The following FNBP4 variants were observed in gnomAD, a reference collection of about 807,000 sequenced individuals.
FNBP4 encodes formin-binding protein 4.
A neutral mutation model predicts 119.3 loss-of-function variants in FNBP4; 34 were observed. The observed-to-expected ratio is 0.28, with a 90% CI of 0.22 to 0.38. FNBP4 has a LOEUF of 0.38. Ranked by LOEUF, FNBP4 falls within the 10% of genes least tolerant of loss-of-function variation. FNBP4 has a pLI of 1.00. For synonymous variants in FNBP4, 462 were observed against 430.6 expected (o/e 1.07, Z -0.90); for missense variants, 1,112 against 1,228.9 (o/e 0.90, Z 1.42).
At chr11:47,734,357 A>C (rs532467533) in intron 9 of FNBP4, among the ~76,000 whole-genome samples, 1 of 152,318 alleles carries the variant, frequency 6.6e-6, no homozygotes, top group East Asian at 1.9e-4. Flanking sequence ...ATATCTACAT[A>C]ATCACAATGC....
At position 47,736,664 on chromosome 11, in the gene FNBP4, T is replaced by C; in HGVS notation, c.1533A>G (p.Lys511=). ...KEMEVEESPE[K]IKVQTTPKVE... ...CTTTTGGTGTTGTCTGTACTTTTAT[T>C]TTCTCTGGAGATTCTTCTACTTCCA... Residue 511 remains lysine, a synonymous_variant, in exon 9 of 17, where the codon AAA becomes AAG. Transcript: ENST00000263773. The C allele has an allele frequency of 6.2e-7, 1 of 1,605,982 alleles. No homozygotes were observed. Among genetic ancestry groups the C allele is most frequent in the Non-Finnish European group, 8.5e-7 (1 of 1,173,522 alleles).
chr11:47,725,614 C>T (rs796680043), intron 12 of FNBP4: 30 of 195,562 alleles, frequency 1.5e-4, no homozygotes, highest in African/African-American at 6.4e-4. Flanking sequence ...GTCTACATTA[C>T]GAAATTGCAG....
chr11:47,731,345 CTGAA>C, intron 12 of FNBP4, 25 bp downstream of exon 12: 1 of 1,532,462 alleles, frequency 6.5e-7, no homozygotes, highest in African/African-American at 1.4e-5. Context: ...GTCATTTTGG[CTGAA>C]TTAGTACAAG....
intron 12 of FNBP4, chr11:47,729,511 C>T: frequency 1.0e-6 from 1 of 985,168 alleles, no homozygotes. Flanking sequence ...GCACCCCTTC[C>T]CCCACTTTAT....
rs2097572358 is a variant in FNBP4, at chr11:47,735,099, C to T, written c.1582-970G>A. ...ATCCCCACATACAAACACAAGACAA[C>T]TCTCCAAGGTAACGTGATATGTAAG... is the stretch of plus-strand genomic sequence containing the variant. On this transcript the variant is annotated intron_variant, in intron 9 of 16. Coordinates refer to ENST00000263773, the MANE Select transcript of FNBP4 (RefSeq NM_015308.5). 6.6e-5 allele frequency among the ~76,000 whole-genome samples: 10 copies of T among 150,860 alleles called. No individual in the cohort carries two copies. In the South Asian group the frequency reaches 2.1e-3, roughly 32 times the overall value.
chr11:47,763,334 G>C (rs905150984), intron 2 of FNBP4, among the ~76,000 whole-genome samples: 2 of 151,112 alleles, frequency 1.3e-5, no homozygotes, highest in Non-Finnish European at 2.9e-5. Flanking sequence ...AATCCCAGCT[G>C]CTCAGGAGGG....
rs768166981 is a variant in FNBP4 at position 47,716,587 on chromosome 11, A to T, written c.*835T>A. The T allele has an allele frequency of 8.5e-5, 13 of 152,662 alleles. No homozygotes were observed. The highest frequency in any genetic ancestry group is 1.6e-4 in the Non-Finnish European group (11 of 68,044). 9.5% of individuals were successfully genotyped at this position (152,662 alleles called of 1,614,324 possible). A position where few individuals can be genotyped will look rare whatever the true frequency, so the allele number is the denominator to read the frequency against. On this transcript the variant is annotated 3_prime_UTR_variant, in exon 17 of 17. Coordinates refer to ENST00000263773, the MANE Select transcript of FNBP4 (RefSeq NM_015308.5). ...CAAGGTCAGAAACTGGAGAAATACA[A>T]AGAGCTTTAAAACACAATTTGCCGT...
rs1283240541 is a variant in FNBP4 at position 47,725,665 on chromosome 11, AG to A, written c.2009-888del. 1.1e-5 allele frequency: 6 copies of A among 522,292 alleles called. No homozygotes were observed. In the East Asian group the frequency reaches 9.0e-4, roughly 78 times the overall value. The allele number at this position is 522,292 out of a possible 1,614,324, so 32.4% of individuals were successfully genotyped here. A position where few individuals can be genotyped will look rare whatever the true frequency, so the allele number is the denominator to read the frequency against. ...ATCAGCTTTCCTCAAACTTTGTAAA[AG>A]CCATCATTGATTACTGTCTTTTCTC... On this transcript the variant is annotated intron_variant, in intron 12 of 16. Coordinates refer to ENST00000263773, the MANE Select transcript of FNBP4 (RefSeq NM_015308.5).
At chr11:47,730,604 A>T (rs575824967) in intron 12 of FNBP4, among the ~76,000 whole-genome samples, 2 of 152,196 alleles carry the variant, frequency 1.3e-5, no homozygotes, top group Non-Finnish European at 2.9e-5. Flanking sequence ...TCAAAGATCT[A>T]TTACTTTAGA....
chr11:47,754,814 G>A (rs1458384890), intron 2 of FNBP4, 150 bp from the exon 3 acceptor site: 12 of 823,996 alleles, frequency 1.5e-5, no homozygotes, highest in Admixed American at 3.0e-5. Flanking sequence ...TACCACAGAA[G>A]AATAAATTAC....
chr11:47,752,030 A>G (rs575583815), intron 4 of FNBP4, among the ~76,000 whole-genome samples: 18 of 152,302 alleles, frequency 1.2e-4, no homozygotes, highest in African/African-American at 4.1e-4. Context: ...TTTCTTATTC[A>G]ACTGGCAAGG....
intron 2 of FNBP4, among the ~76,000 whole-genome samples, chr11:47,763,397 G>C (rs1294156105): frequency 7.5e-6 from 1 of 133,596 alleles, no homozygotes; most frequent in Non-Finnish European, 1.5e-5. Context: ...AGTGAGCCAA[G>C]ATCACACCAC....
intron 2 of FNBP4, among the ~76,000 whole-genome samples, chr11:47,762,052 G>A (rs112267819): frequency 0.015 from 2,240 of 151,748 alleles, 63 homozygotes; most frequent in African/African-American, 0.051. Flanking sequence ...TGGTCAGGCT[G>A]GTCTCGAACT....
chr11:47,722,945 A>C, intron 15 of FNBP4, 31 bp downstream of exon 15: 2 of 1,467,190 alleles, frequency 1.4e-6, no homozygotes, highest in Non-Finnish European at 1.8e-6. Context: ...ATTTTTAAAA[A>C]TAAATTTTTA....
rs751566106 is a variant in FNBP4, at chr11:47,744,096, CTGA to C, written c.1310_1312del (p.Ile437del). The C allele has an allele frequency of 1.9e-6, 3 of 1,614,148 alleles. No individual in the cohort carries two copies. Among genetic ancestry groups the C allele is most frequent in the Non-Finnish European group, 2.5e-6 (3 of 1,180,020 alleles). The stretch of plus-strand genomic sequence containing the variant: ...CATTCCATCTTGAGATGCTGGCTGG[CTGA>C]TATCAGAACGTGGACTAGACCCTGA... On this transcript the variant is annotated inframe_deletion, in exon 8 of 17. Coordinates refer to ENST00000263773, the MANE Select transcript of FNBP4 (RefSeq NM_015308.5).
chr11:47,766,432 C>G (rs556602422), intron 1 of FNBP4, among the ~76,000 whole-genome samples: 1 of 152,208 alleles, frequency 6.6e-6, no homozygotes, highest in African/African-American at 2.4e-5. Flanking sequence ...CCAAACACTG[C>G]TATTGCGGAT....
At chr11:47,758,100 T>G (rs1160309710) in intron 2 of FNBP4, among the ~76,000 whole-genome samples, 2 of 152,178 alleles carry the variant, frequency 1.3e-5, no homozygotes, top group South Asian at 2.1e-4. Flanking sequence ...TTTCATTTCT[T>G]TTTTTTGAGA....
At chr11:47,761,339 A>T (rs1396510597) in intron 2 of FNBP4, among the ~76,000 whole-genome samples, 1 of 152,178 alleles carries the variant, frequency 6.6e-6, no homozygotes, top group Non-Finnish European at 1.5e-5. Flanking sequence ...TCACCGCTCT[A>T]ATCCCAGCAC....
chr11:47,732,855 C>T lies in FNBP4; in HGVS notation c.1687-185G>A, dbSNP rs146054710. 0.031 allele frequency among the ~76,000 whole-genome samples: 4,786 copies of T among 152,276 alleles called. 254 individuals carry two copies. The highest frequency in any genetic ancestry group is 0.11 in the African/African-American group (4,528 of 41,538). On this transcript the variant is annotated intron_variant, in intron 10 of 16. Transcript: ENST00000263773. This position sits in a 1 kb window ranked among gnomAD's most constrained non-coding sequence, Gnocchi z 4.2. Reference sequence around the variant, plus strand: ...TCTTAAGGCCGGGCATGGTGGCTCACGCCTGTAATCCCAGCACTTTGGGAG... The same window carrying T: ...TCTTAAGGCCGGGCATGGTGGCTCATGCCTGTAATCCCAGCACTTTGGGAG...
Sources: gnomAD v4.1 joint callset for allele counts (sites outside exome capture counted in the v4.1 genomes callset) on GRCh38, gnomAD v4.1.1 for gene constraint, Gnocchi (gnomAD v3.1) non-coding constraint, MANE v1.5 for transcripts, NCBI Gene and HGNC (gene_info 2026-07-23, HGNC 2026-07-21) for gene names.